HIBCH: variants seen among roughly 807,000 people sequenced by gnomAD.
HIBCH encodes the protein 3-hydroxyisobutyryl-CoA hydrolase, also known as 3-hydroxyisobutyryl-CoA hydrolase, mitochondrial.
In HIBCH, 50 loss-of-function variants were observed where a neutral mutation model predicts 58.2. That is an observed-to-expected ratio of 0.86 (90% CI 0.68 to 1.09). The LOEUF is 1.09. Ranked by LOEUF, HIBCH falls within the 50% of genes least tolerant of loss-of-function variation. HIBCH has a pLI of 0.00. For missense variants in HIBCH, 450 were observed against 449.7 expected, an observed-to-expected ratio of 1.00 and a Z score of -0.01; for synonymous variants, 151 against 146.9, an observed-to-expected ratio of 1.03 and a Z score of -0.20.
intron 11 of HIBCH, among the ~76,000 whole-genome samples, chr2:190,228,725 G>A (rs183943605): frequency 1.2e-3 from 180 of 152,174 alleles, no homozygotes; most frequent in Non-Finnish European, 2.2e-3. Flanking sequence ...CCATTTATCT[G>A]ACCCTTTAAA....
downstream of HIBCH, among the ~76,000 whole-genome samples, chr2:190,199,521 GT>G (rs1690142168): frequency 6.6e-6 from 1 of 152,094 alleles, no homozygotes; most frequent in Admixed American, 6.5e-5. Context: ...TATTTTGCAA[GT>G]TGCCATTTTT....
rs756356410 is a variant in HIBCH at position 190,261,249 on chromosome 2, CA to C, written c.439-16del. 5 of 1,513,330 alleles carry C rather than the reference CA, an allele frequency of 3.3e-6. No homozygotes were observed. The African/African-American group carries it at 4.2e-5, about 13-fold the overall frequency. The allele number at this position is 1,513,330 out of a possible 1,614,324, so 93.7% of individuals were successfully genotyped here. Reference sequence around the variant, plus strand: ...AGACCAACTCCCTAGAGAAAAAAGGCAAAAAAAGAGGCGGGGGGGAATTAAA... The same window carrying C: ...AGACCAACTCCCTAGAGAAAAAAGGCAAAAAAGAGGCGGGGGGGAATTAAA... On this transcript the variant is annotated splice_polypyrimidine_tract_variant and intron_variant, in intron 6 of 13. Coordinates refer to ENST00000359678, the MANE Select transcript of HIBCH (RefSeq NM_014362.4).
intron 6 of HIBCH, among the ~76,000 whole-genome samples, chr2:190,276,550 G>A (rs770102144): frequency 8.5e-5 from 13 of 152,126 alleles, no homozygotes; most frequent in Admixed American, 2.0e-4. Context: ...ATAAGTTCTC[G>A]CTCTATCAGT....
chr2:190,272,661 A>C (rs1687430414), intron 6 of HIBCH, among the ~76,000 whole-genome samples: 1 of 151,846 alleles, frequency 6.6e-6, no homozygotes, highest in African/African-American at 2.4e-5. Flanking sequence ...AAAAAAAAAA[A>C]CTCCCTGTAG....
chr2:190,303,347 G>A (rs141610096), intron 2 of HIBCH, among the ~76,000 whole-genome samples: 21 of 151,370 alleles, frequency 1.4e-4, no homozygotes, highest in African/African-American at 4.8e-4. Context: ...GGCAACCAGA[G>A]CTCCTTAGAG....
chr2:190,250,752 T>A (rs1307482378), intron 8 of HIBCH, among the ~76,000 whole-genome samples: 2 of 152,176 alleles, frequency 1.3e-5, no homozygotes, highest in Non-Finnish European at 2.9e-5. Context: ...ACAGAGACAA[T>A]CTTCAATTTT....
chr2:190,228,665 C>A (rs903825818), intron 11 of HIBCH, among the ~76,000 whole-genome samples: 4 of 152,046 alleles, frequency 2.6e-5, no homozygotes, highest in African/African-American at 9.7e-5. Context: ...ACCCATACAA[C>A]CTAGTGAACA....
chr2:190,303,841 T>C (rs1445894064), intron 2 of HIBCH, among the ~76,000 whole-genome samples: 2 of 152,086 alleles, frequency 1.3e-5, no homozygotes, highest in East Asian at 1.9e-4. Context: ...GTAGATACCA[T>C]GTACTCCCTG....
At position 190,294,653 on chromosome 2, in the gene HIBCH, G is replaced by A. The variant is rs200884708; in HGVS notation, c.220-23C>T. 134 of 1,493,392 alleles carry A rather than the reference G, an allele frequency of 9.0e-5. 1 individual carries two copies. In the East Asian group the frequency reaches 3.0e-3, roughly 34 times the overall value. The allele number at this position is 1,493,392 out of a possible 1,614,324, so 92.5% of individuals were successfully genotyped here. ...CTTCTATTCAAATGTAACAGAAGAT[G>A]GTATAAGCATATTATAAACACAAAC... On this transcript the variant is annotated intron_variant, in intron 3 of 13. Coordinates refer to ENST00000359678, the MANE Select transcript of HIBCH (RefSeq NM_014362.4).
At chr2:190,274,833 T>C (rs1575742029) in intron 6 of HIBCH, among the ~76,000 whole-genome samples, 1 of 152,216 alleles carries the variant, frequency 6.6e-6, no homozygotes, top group South Asian at 2.1e-4. Flanking sequence ...GTTATCTCTG[T>C]TGATAGGAGT....
chr2:190,240,281 T>C (rs1686411519), intron 11 of HIBCH, among the ~76,000 whole-genome samples: 1 of 152,232 alleles, frequency 6.6e-6, no homozygotes, highest in Admixed American at 6.5e-5. Flanking sequence ...TCTAGTTTAT[T>C]TGTGGAGAGG....
intron 6 of HIBCH, among the ~76,000 whole-genome samples, chr2:190,264,655 T>C (rs1009707671): frequency 3.9e-5 from 6 of 152,230 alleles, no homozygotes; most frequent in Admixed American, 6.5e-5. Context: ...TAGCACTGTA[T>C]GAATAAACAA....
At chr2:190,310,461 C>T (rs1375301849) in intron 2 of HIBCH, among the ~76,000 whole-genome samples, 2 of 152,128 alleles carry the variant, frequency 1.3e-5, no homozygotes, top group Admixed American at 1.3e-4. Flanking sequence ...TTATTATTCT[C>T]ACTTTATACA....
At chr2:190,252,714 A>G (rs561476548) in intron 7 of HIBCH, among the ~76,000 whole-genome samples, 1 of 152,352 alleles carries the variant, frequency 6.6e-6, no homozygotes, top group South Asian at 2.1e-4. Flanking sequence ...TTATAGCAAA[A>G]TTATTACCAT....
chr2:190,219,360 C>T (rs193101475), intron 11 of HIBCH, among the ~76,000 whole-genome samples: 48 of 152,266 alleles, frequency 3.2e-4, no homozygotes, highest in Non-Finnish European at 5.3e-4. Context: ...TGCCCTGAAT[C>T]GGCTTAGGTC....
Position 190,197,759 on chromosome 2 carries a change from C to T in HIBCH, c.*17+7341G>A, listed in dbSNP as rs951682275. On this transcript the variant is annotated intron_variant, in intron 1 of 1. Transcript: ENST00000399855. The surrounding 1 kb of genome is among the most constrained non-coding windows in gnomAD (Gnocchi z 4.0). ...ACATATATTTTGTCTGGTTTTAAAA[C>T]TGGTTTTGGCAAATGCACAAATCTG... Among the ~76,000 whole-genome samples, 3 of 152,182 alleles carry T rather than the reference C, an allele frequency of 2.0e-5. No homozygotes were observed. Among genetic ancestry groups the T allele is most frequent in the Non-Finnish European group, 4.4e-5 (3 of 68,028 alleles).
At chr2:190,200,068 TTG>T, downstream of HIBCH, 1 of 1,614,082 alleles carries the variant, frequency 6.2e-7, no homozygotes, top group Non-Finnish European at 8.5e-7. Flanking sequence ...TCAGGATATC[TTG>T]TGTGATGCCT....
At chr2:190,194,663 T>C (rs1176664554) in intron 1 of HIBCH, among the ~76,000 whole-genome samples, 1 of 152,208 alleles carries the variant, frequency 6.6e-6, no homozygotes, top group African/African-American at 2.4e-5. Flanking sequence ...TTTCATTGCC[T>C]TAAAAATTGT....
chr2:190,200,186 A>AGC (rs1434720991), downstream of HIBCH: 53 of 1,568,980 alleles, frequency 3.4e-5, no homozygotes, highest in Non-Finnish European at 4.4e-5. Context: ...TGGAGGTGCT[A>AGC]GTTTGAATAA....
Sources: gnomAD v4.1 joint callset for allele counts (sites outside exome capture counted in the v4.1 genomes callset) on GRCh38, gnomAD v4.1.1 for gene constraint, Gnocchi (gnomAD v3.1) non-coding constraint, MANE v1.5 for transcripts, NCBI Gene and HGNC (gene_info 2026-07-23, HGNC 2026-07-21) for gene names.